The following RCAN2 variants were observed in gnomAD, a reference collection of about 807,000 sequenced individuals.
RCAN2 encodes calcipressin-2.
A neutral mutation model predicts 23.6 loss-of-function variants in RCAN2; 9 were observed. The observed-to-expected ratio is 0.38, with a 90% CI of 0.23 to 0.67. The LOEUF (loss-of-function observed/expected upper bound fraction) is 0.67. Among genes scored for constraint, RCAN2 ranks in the 30% least tolerant of loss-of-function variants. The probability of loss-of-function intolerance (pLI) is 0.51; values close to 1 mark genes in which losing one functional copy is unlikely to be tolerated. For missense variants in RCAN2, 273 were observed against 302.3 expected, an observed-to-expected ratio of 0.90 and a Z score of 0.72; for synonymous variants, 109 against 115.7, an observed-to-expected ratio of 0.94 and a Z score of 0.37.
rs1446124250 is a variant in RCAN2, at chr6:46,455,923, A to T, written c.225+829T>A. 3.3e-5 allele frequency among the ~76,000 whole-genome samples: 5 copies of T among 151,882 alleles called. No homozygotes were observed. In the East Asian group the frequency reaches 5.8e-4, roughly 18 times the overall value. On this transcript the variant is annotated intron_variant, in intron 2 of 4. Coordinates refer to ENST00000371374, the MANE Select transcript of RCAN2 (RefSeq NM_001251974.2). ...AAAAAAAAAGGCCCTTTATCCAAAA[A>T]ATTTTGTCCATGTTTCAGTAGTATA...
At position 46,387,832 on chromosome 6, in the gene RCAN2, G is replaced by A. The variant is rs569001556; in HGVS notation, c.225+68920C>T. Among the ~76,000 whole-genome samples, 983 of 152,158 alleles carry A rather than the reference G, an allele frequency of 6.5e-3. 8 individuals carry two copies. Among genetic ancestry groups the A allele is most frequent in the African/African-American group, 0.023 (943 of 41,490 alleles). ...TGTTTATTGTGGCACTGTTCACAAT[G>A]GCAAAGACTTGGAACCAACCCAAAT... On this transcript the variant is annotated intron_variant, in intron 2 of 4. Transcript: ENST00000371374.
intron 2 of RCAN2, among the ~76,000 whole-genome samples, chr6:46,300,796 A>G (rs1487706568): frequency 1.3e-5 from 2 of 152,050 alleles, no homozygotes. Context: ...AAATGATCAC[A>G]TTCTAAAGAT....
chr6:46,458,896 C>CGCGCGCGCGT lies in RCAN2; in HGVS notation c.-2-1919_-2-1918insACGCGCGCGC, dbSNP rs57335093. On this transcript the variant is annotated intron_variant, in intron 1 of 4. Coordinates refer to ENST00000371374, the MANE Select transcript of RCAN2 (RefSeq NM_001251974.2). ...TAGTTTACAGGAAAACGCGCGCGCA[C>CGCGCGCGCGT]GTGTGTGTGTGTGTGATGGAGTTTT... Among the ~76,000 whole-genome samples the CGCGCGCGCGT allele has an allele frequency of 8.7e-5, 13 of 150,132 alleles. 1 individual carries two copies. The South Asian group carries it at 1.3e-3, about 15-fold the overall frequency.
At chr6:46,378,067 C>A (rs568955357) in intron 2 of RCAN2, among the ~76,000 whole-genome samples, 4 of 152,214 alleles carry the variant, frequency 2.6e-5, no homozygotes, top group Non-Finnish European at 5.9e-5. Flanking sequence ...TAGGCACTAA[C>A]TAAATATTCG....
chr6:46,480,954 G>A (rs892919212), intron 1 of RCAN2, among the ~76,000 whole-genome samples: 4 of 152,202 alleles, frequency 2.6e-5, no homozygotes, highest in Admixed American at 2.0e-4. Flanking sequence ...TGTGTGAAGA[G>A]AACAAAGGCT....
chr6:46,414,741 A>C (rs747781775), intron 2 of RCAN2, among the ~76,000 whole-genome samples: 3 of 152,204 alleles, frequency 2.0e-5, no homozygotes, highest in African/African-American at 4.8e-5. Context: ...CTTCCCTTGC[A>C]GATTTCAGGC....
intron 2 of RCAN2, among the ~76,000 whole-genome samples, chr6:46,430,303 T>C (rs1195609841): frequency 6.6e-6 from 1 of 152,002 alleles, no homozygotes; most frequent in Non-Finnish European, 1.5e-5. Flanking sequence ...AATGATTGGG[T>C]GAGGGAGAAG....
chr6:46,344,105 G>C (rs1170795628), intron 2 of RCAN2, among the ~76,000 whole-genome samples: 1 of 152,160 alleles, frequency 6.6e-6, no homozygotes. Flanking sequence ...CTGGAAGATA[G>C]AACTATTCTA....
At chr6:46,480,901 C>T (rs1233651379) in intron 1 of RCAN2, among the ~76,000 whole-genome samples, 7 of 152,274 alleles carry the variant, frequency 4.6e-5, no homozygotes, top group South Asian at 4.1e-4. Context: ...GGATTACAGG[C>T]GTGAGCCACT....
chr6:46,467,027 C>G (rs974301947), intron 1 of RCAN2, among the ~76,000 whole-genome samples: 6 of 152,164 alleles, frequency 3.9e-5, no homozygotes, highest in Non-Finnish European at 8.8e-5. Flanking sequence ...CTCAGCCCAG[C>G]CTGCACTAGA....
At chr6:46,439,517 A>G (rs1352196136) in intron 2 of RCAN2, among the ~76,000 whole-genome samples, 1 of 152,196 alleles carries the variant, frequency 6.6e-6, no homozygotes, top group Non-Finnish European at 1.5e-5. Flanking sequence ...AATCCACTCT[A>G]TAAATACATA....
At chr6:46,261,405 A>C (rs1767102264) in intron 2 of RCAN2, among the ~76,000 whole-genome samples, 1 of 152,222 alleles carries the variant, frequency 6.6e-6, no homozygotes, top group African/African-American at 2.4e-5. Flanking sequence ...AAATAATGAC[A>C]GTATCTACCT....
At chr6:46,488,291 T>C (rs1769049207) in intron 1 of RCAN2, among the ~76,000 whole-genome samples, 1 of 152,240 alleles carries the variant, frequency 6.6e-6, no homozygotes, top group Non-Finnish European at 1.5e-5. Flanking sequence ...TTCTTGTCAG[T>C]CATCTGAGAA....
At chr6:46,225,315 G>C (rs1463019075) in intron 4 of RCAN2, among the ~76,000 whole-genome samples, 1 of 152,210 alleles carries the variant, frequency 6.6e-6, no homozygotes, top group Non-Finnish European at 1.5e-5. Flanking sequence ...GGATGGCTGG[G>C]TCAAATGGTA....
chr6:46,231,093 C>A, intron 4 of RCAN2, among the ~76,000 whole-genome samples: 1 of 152,138 alleles, frequency 6.6e-6, no homozygotes, highest in East Asian at 1.9e-4. Context: ...GTGAAAGTAA[C>A]TTTATTTGGA....
At chr6:46,453,064 T>C (rs1767925000) in intron 2 of RCAN2, among the ~76,000 whole-genome samples, 1 of 152,198 alleles carries the variant, frequency 6.6e-6, no homozygotes, top group Admixed American at 6.5e-5. Context: ...CAGACCCTTA[T>C]GTGTCTTTAG....
intron 2 of RCAN2, among the ~76,000 whole-genome samples, chr6:46,446,244 G>A (rs941227856): frequency 1.3e-5 from 2 of 150,374 alleles, no homozygotes; most frequent in Non-Finnish European, 3.0e-5. Context: ...AAACCTTACA[G>A]GGCAGAAGAG....
intron 1 of RCAN2, among the ~76,000 whole-genome samples, chr6:46,467,544 C>T (rs1410615800): frequency 6.6e-6 from 1 of 152,194 alleles, no homozygotes; most frequent in Non-Finnish European, 1.5e-5. Flanking sequence ...CCTCTCTTTC[C>T]TAGAGTCATG....
chr6:46,348,004 G>A (rs113622889), intron 2 of RCAN2, among the ~76,000 whole-genome samples: 15 of 152,292 alleles, frequency 9.8e-5, no homozygotes, highest in African/African-American at 3.1e-4. Context: ...GGAGGACAGC[G>A]TGGCCGAGTA....
Sources: allele counts gnomAD v4.1 joint callset (sites outside exome capture counted in the v4.1 genomes callset), GRCh38; gene constraint gnomAD v4.1.1; transcripts MANE v1.5; gene names NCBI Gene and HGNC (gene_info 2026-07-23, HGNC 2026-07-21).